Variants in RNF213 observed in about 807,000 individuals in gnomAD.
The protein encoded by RNF213 is E3 ubiquitin-protein ligase RNF213.
A neutral mutation model predicts 514.4 loss-of-function variants in RNF213; 341 were observed. The ratio of observed to expected loss-of-function variants is 0.66; its 90% CI spans 0.61 to 0.73. RNF213 has a LOEUF of 0.73. Among genes scored for constraint, RNF213 ranks in the 30% least tolerant of loss-of-function variants. The pLI is 0.00. For synonymous variants in RNF213, 2,655 were observed against 2,658.2 expected (o/e 1.00, Z 0.04); for missense variants, 5,767 against 6,615.6 (o/e 0.87, Z 4.45).
Position 80,345,881 on chromosome 17 carries a change from T to TC in RNF213, c.7547dup (p.Gly2517TrpfsTer16). The TC allele has an allele frequency of 1.2e-6, 2 of 1,614,188 alleles. No individual in the cohort carries two copies. Among genetic ancestry groups the TC allele is most frequent in the Non-Finnish European group, 1.7e-6 (2 of 1,180,044 alleles). Reference sequence around the variant, plus strand: ...GGATGGCCAGCCTCTGGCTGAGGACTCTGGCCTGCATATTATAGCTGCCTG... The same window carrying TC: ...GGATGGCCAGCCTCTGGCTGAGGACTCCTGGCCTGCATATTATAGCTGCCTG... On this transcript the variant is annotated frameshift_variant, in exon 29 of 68. Coordinates refer to ENST00000582970, the MANE Select transcript of RNF213 (RefSeq NM_001256071.3). LOFTEE classifies it high-confidence loss of function. The surrounding 1 kb of genome is among the most constrained non-coding windows in gnomAD (Gnocchi z 6.0).
At chr17:80,373,370 C>A (rs747389177) in intron 49 of RNF213, among the ~76,000 whole-genome samples, 1 of 150,942 alleles carries the variant, frequency 6.6e-6, no homozygotes, top group Non-Finnish European at 1.5e-5. Flanking sequence ...CCACTGCTTC[C>A]GCGTTCCGCC....
At chr17:80,387,079 C>A (rs932517493) in intron 63 of RNF213, among the ~76,000 whole-genome samples, 188 bp downstream of exon 63, 1 of 152,224 alleles carries the variant, frequency 6.6e-6, no homozygotes, top group Admixed American at 6.5e-5. Flanking sequence ...CTCTCCTGAG[C>A]CCTCTCCTGC....
In RNF213 at chr17:80,376,542, C is replaced by T. The variant is rs766958418; in HGVS notation, c.13427C>T (p.Ala4476Val). ...CTGGCCTTCTCCCCAGCCACCATGG[C>T]GGTAAGAGTAGGCCACAATTCCATC... Reference protein sequence around the residue: ...KNLAFSPATMAHAFLPTMPED... With the variant: ...KNLAFSPATMVHAFLPTMPED... Residue 4476 changes from alanine to valine, a missense_variant and splice_region_variant, in exon 52 of 68, where the codon GCG (alanine) becomes GTG (valine). Coordinates refer to ENST00000582970, the MANE Select transcript of RNF213 (RefSeq NM_001256071.3). 1.7e-5 allele frequency: 28 copies of T among 1,613,894 alleles called. No homozygotes were observed. Among genetic ancestry groups the T allele is most frequent in the African/African-American group, 6.7e-5 (5 of 74,926 alleles).
intron 46 of RNF213, 65 bp from the exon 47 acceptor site, chr17:80,371,809 C>T (rs2079528913): frequency 7.1e-6 from 6 of 844,972 alleles, no homozygotes; most frequent in Non-Finnish European, 1.2e-5. Flanking sequence ...GATAGATGCT[C>T]TTTTTTTTAG....
chr17:80,374,902 C>A (rs1039567396), intron 50 of RNF213: 3 of 391,106 alleles, frequency 7.7e-6, no homozygotes, highest in African/African-American at 6.2e-5. Context: ...TGCTGGAAAA[C>A]AGTCTAAGAA....
At chr17:80,393,293 A>G in intron 67 of RNF213, 52 bp from the exon 68 acceptor site, 1 of 1,559,162 alleles carries the variant, frequency 6.4e-7, no homozygotes, top group South Asian at 1.1e-5. Context: ...TACACACGTG[A>G]GCCACCATGC....
At position 80,288,042 on chromosome 17, in the gene RNF213, C is replaced by G. The variant is rs750628448; in HGVS notation, c.489C>G (p.Leu163=). 1.2e-6 allele frequency: 2 copies of G among 1,602,534 alleles called. No homozygotes were observed. Among genetic ancestry groups the G allele is most frequent in the Non-Finnish European group, 1.7e-6 (2 of 1,174,800 alleles). ...CCACGCCACTGGAGGGTGACGGCCT[C>G]TCCGCGCCCACCGAGGTTGGCGACA... ...TATTPLEGDG[L]SAPTEVGDSP... Residue 163 remains leucine, a synonymous_variant, in exon 4 of 68, where the codon CTC becomes CTG. Transcript: ENST00000582970. The surrounding 1 kb of genome is among the most constrained non-coding windows in gnomAD (Gnocchi z 4.9).
intron 37 of RNF213, 63 bp downstream of exon 37, chr17:80,358,542 T>G: frequency 6.8e-7 from 1 of 1,466,066 alleles, no homozygotes; most frequent in Non-Finnish European, 9.5e-7. Flanking sequence ...GACCCTAATA[T>G]GCTCTCCCAA....
chr17:80,261,012 C>T (rs2043396148), intron 1 of RNF213, 110 bp downstream of exon 1: 1 of 151,798 alleles, frequency 6.6e-6, no homozygotes, highest in East Asian at 2.0e-4. Flanking sequence ...TCCGGATGCC[C>T]CTCCCGGCCG....
In RNF213 at chr17:80,339,891, C is replaced by A; in HGVS notation, c.5524C>A (p.Pro1842Thr). ...LVVCGHSEVL[P>T]AALAVYMQTP... ...CGTCTGTGGCCACTCCGAGGTGTTGCCAGCCGCCCTGGCTGTCTACATGCA... is the reference window on the plus strand; with the variant it reads ...CGTCTGTGGCCACTCCGAGGTGTTGACAGCCGCCCTGGCTGTCTACATGCA... The change falls in exon 26 of 68, where the codon CCA (proline) becomes ACA (threonine). Residue 1842 changes from proline (P) to threonine (T), a missense_variant. Around this residue, in one of 13 missense-constraint regions of RNF213, gnomAD observed 1,377 missense variants for 1,635.2 expected, o/e 0.84. Coordinates refer to ENST00000582970, the MANE Select transcript of RNF213 (RefSeq NM_001256071.3). 7.2e-6 allele frequency: 11 copies of A among 1,537,016 alleles called. No individual in the cohort carries two copies. The highest frequency in any genetic ancestry group is 9.6e-6 in the Non-Finnish European group (11 of 1,146,896).
intron 19 of RNF213, 95 bp from the exon 20 acceptor site, chr17:80,328,233 G>C: frequency 7.3e-7 from 1 of 1,362,452 alleles, no homozygotes; most frequent in Non-Finnish European, 9.8e-7. Context: ...TCCTTCTCCT[G>C]GTGGCGGGGA....
chr17:80,371,884 G>T lies in RNF213; in HGVS notation c.12436G>T (p.Val4146Leu). Reference sequence around the variant, plus strand: ...TTTCTCTTTCTGCAGCTTTCATGATGTAAAAGATTATATTCAGGAATATTT... The same window carrying T: ...TTTCTCTTTCTGCAGCTTTCATGATTTAAAAGATTATATTCAGGAATATTT... Reference protein sequence around the residue: ...KLLLKYSFHDVKDYIQEYLTL... With the variant: ...KLLLKYSFHDLKDYIQEYLTL... Residue 4146 changes from valine to leucine, a missense_variant, in exon 47 of 68, where the codon GTA (valine) becomes TTA (leucine). By Grantham distance (32) the Val-to-Leu change is conservative (BLOSUM62 1). Around this residue, in one of 13 missense-constraint regions of RNF213, gnomAD observed 1,245 missense variants for 1,339.0 expected, o/e 0.93. Coordinates refer to ENST00000582970, the MANE Select transcript of RNF213 (RefSeq NM_001256071.3). 1 of 1,483,850 alleles carries T rather than the reference G, an allele frequency of 6.7e-7. No homozygotes were observed. The highest frequency in any genetic ancestry group is 9.4e-7 in the Non-Finnish European group (1 of 1,061,538). 91.9% of individuals were successfully genotyped at this position (1,483,850 alleles called of 1,614,324 possible).
chr17:80,286,594 C>G (rs2044480767), intron 3 of RNF213, among the ~76,000 whole-genome samples: 1 of 152,080 alleles, frequency 6.6e-6, no homozygotes, highest in African/African-American at 2.4e-5. Flanking sequence ...TTCCTCATCC[C>G]CTTGTTACCA....
chr17:80,381,072 A>T, intron 56 of RNF213, 85 bp downstream of exon 56: 1 of 1,344,582 alleles, frequency 7.4e-7, no homozygotes, highest in Non-Finnish European at 1.1e-6. Context: ...CTTGAGTCCT[A>T]GCTGCCATCT....
At chr17:80,271,692 G>C (rs865784010) in intron 2 of RNF213, among the ~76,000 whole-genome samples, 3 of 152,182 alleles carry the variant, frequency 2.0e-5, no homozygotes, top group African/African-American at 7.2e-5. Flanking sequence ...AATTGAAAAA[G>C]AAAAGGCCGG....
At chr17:80,300,577 G>A (rs1357711904) in intron 11 of RNF213, among the ~76,000 whole-genome samples, 2 of 146,428 alleles carry the variant, frequency 1.4e-5, no homozygotes, top group African/African-American at 2.5e-5. Context: ...TGTTTGAGAT[G>A]GAGTTTCGCT....
rs2078320235 is a variant in RNF213, at chr17:80,346,589, G to A, written c.8254G>A (p.Val2752Ile). ...CAAGAACTTGGCCTTGAAGGAGAAC[G>A]TCTTCATGATGGTCGTCTGCATCGA... ...IAKNLALKEN[V>I]FMMVVCIELK... The change falls in exon 29 of 68, where the codon GTC (valine) becomes ATC (isoleucine). Residue 2752 changes from valine to isoleucine, a missense_variant. By Grantham distance (29) the Val-to-Ile change is conservative. This residue lies in a region of RNF213 where 105 missense variants were observed against 183.9 expected (regional missense o/e 0.57). Coordinates refer to ENST00000582970, the MANE Select transcript of RNF213 (RefSeq NM_001256071.3). The surrounding 1 kb of genome is among the most constrained non-coding windows in gnomAD (Gnocchi z 8.1). 1.2e-5 allele frequency: 19 copies of A among 1,613,276 alleles called. No individual in the cohort carries two copies. The highest frequency in any genetic ancestry group is 1.6e-5 in the Non-Finnish European group (19 of 1,180,034).
intron 54 of RNF213, among the ~76,000 whole-genome samples, chr17:80,378,203 G>A (rs577770919): frequency 6.6e-6 from 1 of 152,220 alleles, no homozygotes; most frequent in Non-Finnish European, 1.5e-5. Flanking sequence ...GCAGCATGGG[G>A]TCAGTGAGCC....
intron 16 of RNF213, among the ~76,000 whole-genome samples, chr17:80,318,572 A>G (rs191511942): frequency 1.3e-5 from 2 of 151,432 alleles, no homozygotes; most frequent in African/African-American, 4.8e-5. Flanking sequence ...AGAGTTTTAT[A>G]TGTAACTTTT....
Sources: allele counts gnomAD v4.1 joint callset (sites outside exome capture counted in the v4.1 genomes callset), GRCh38; gene constraint gnomAD v4.1.1; regional missense constraint gnomAD v4.1.1; non-coding constraint Gnocchi (gnomAD v3.1); transcripts MANE v1.5; gene names NCBI Gene and HGNC (gene_info 2026-07-23, HGNC 2026-07-21).